RELN: variants seen among roughly 807,000 people sequenced by gnomAD.
RELN encodes reelin.
Under a neutral mutation model 427.6 loss-of-function variants are expected in RELN, and 108 were observed. The ratio of observed to expected loss-of-function variants is 0.25; its 90% CI spans 0.22 to 0.30. The LOEUF is 0.30. RELN is among the 10% of genes least tolerant of loss of function. The probability of loss-of-function intolerance (pLI) is 1.00; values close to 1 mark genes in which losing one functional copy is unlikely to be tolerated. For synonymous variants in RELN, 1,524 were observed against 1,513.4 expected (o/e 1.01, Z -0.16); for missense variants, 3,715 against 4,302.8 (o/e 0.86, Z 3.82).
At chr7:103,975,423 A>G (rs1436960702) in intron 1 of RELN, among the ~76,000 whole-genome samples, 2 of 152,238 alleles carry the variant, frequency 1.3e-5, no homozygotes, top group Admixed American at 1.3e-4. Context: ...CAAAGGGAAC[A>G]AGGTAAAACA....
chr7:103,588,997 A>G (rs1304216446), intron 28 of RELN, among the ~76,000 whole-genome samples: 3 of 152,220 alleles, frequency 2.0e-5, no homozygotes, highest in Admixed American at 1.3e-4. Flanking sequence ...TGACTCCACA[A>G]AAGTGCAATG....
intron 64 of RELN, among the ~76,000 whole-genome samples, chr7:103,473,630 C>G (rs927315292): frequency 1.3e-5 from 2 of 152,156 alleles, no homozygotes; most frequent in South Asian, 4.1e-4. Context: ...TACATACACA[C>G]ATTTATACAT....
intron 3 of RELN, among the ~76,000 whole-genome samples, chr7:103,792,993 T>C (rs1480164900): frequency 6.6e-6 from 1 of 152,168 alleles, no homozygotes; most frequent in Non-Finnish European, 1.5e-5. Context: ...TAAATTAGTA[T>C]TTTTTAAATA....
Position 103,790,209 on chromosome 7 carries a change from A to G in RELN, c.474-13582T>C, listed in dbSNP as rs919413984. On this transcript the variant is annotated intron_variant, in intron 3 of 64. Coordinates refer to ENST00000428762, the MANE Select transcript of RELN (RefSeq NM_005045.4). Reference sequence around the variant, plus strand: ...TGGGGGCGGGGACAAGGGGAGTGATAGCATTGGGAGAAATACCTAATGTAG... The same window carrying G: ...TGGGGGCGGGGACAAGGGGAGTGATGGCATTGGGAGAAATACCTAATGTAG... 2.0e-5 allele frequency among the ~76,000 whole-genome samples: 3 copies of G among 152,128 alleles called. No individual in the cohort carries two copies. The East Asian group carries it at 5.8e-4, about 29-fold the overall frequency.
chr7:103,676,213 T>C (rs557548117), intron 11 of RELN, among the ~76,000 whole-genome samples: 5 of 151,974 alleles, frequency 3.3e-5, no homozygotes, highest in Admixed American at 2.0e-4. Context: ...AAAAACCCCA[T>C]CAAAAAGTGG....
At chr7:103,849,985 CT>C (rs1042163440) in intron 2 of RELN, among the ~76,000 whole-genome samples, 11 of 152,080 alleles carry the variant, frequency 7.2e-5, no homozygotes, top group Middle Eastern at 3.2e-3. Flanking sequence ...CAACTCCTTC[CT>C]GTACCCAAGA....
Position 103,545,282 on chromosome 7 carries a change from G to C in RELN, c.6365C>G (p.Ala2122Gly), listed in dbSNP as rs774346451. ...YPAGSQPVTW[A>G]IDNVYIGPQC... ...GGGACCGATGTAGACATTATCAATGGCCCATGTCACTGGCTGAGAGCCGGC... is the reference window on the plus strand; with the variant it reads ...GGGACCGATGTAGACATTATCAATGCCCCATGTCACTGGCTGAGAGCCGGC... The change falls in exon 42 of 65, where the codon GCC (alanine) becomes GGC (glycine). Residue 2122 changes from alanine to glycine, a missense_variant. Ala to Gly is a moderately conservative substitution (Grantham distance 60, BLOSUM62 0). Transcript: ENST00000428762. The C allele has an allele frequency of 6.2e-7, 1 of 1,613,996 alleles. No homozygotes were observed. Among genetic ancestry groups the C allele is most frequent in the Admixed American group, 1.7e-5 (1 of 60,014 alleles).
In RELN at chr7:103,788,622, A is replaced by G. The variant is rs373804715; in HGVS notation, c.474-11995T>C. Among the ~76,000 whole-genome samples, 4 of 152,362 alleles carry G rather than the reference A, an allele frequency of 2.6e-5. No individual in the cohort carries two copies. The South Asian group carries it at 6.2e-4, about 24-fold the overall frequency. On this transcript the variant is annotated intron_variant, in intron 3 of 64. Transcript: ENST00000428762. Reference sequence around the variant, plus strand: ...AGAGAATAAAATACCAAGGAATACAACTTACAAGGGATGTGAAGGAACTCT... The same window carrying G: ...AGAGAATAAAATACCAAGGAATACAGCTTACAAGGGATGTGAAGGAACTCT...
intron 2 of RELN, among the ~76,000 whole-genome samples, chr7:103,905,825 G>A (rs1011131721): frequency 1.3e-5 from 2 of 152,132 alleles, no homozygotes; most frequent in Non-Finnish European, 2.9e-5. Context: ...CCGAGAAGAC[G>A]GAGAAGCACA....
At chr7:103,632,516 T>C (rs533728094) in intron 19 of RELN, among the ~76,000 whole-genome samples, 2 of 152,332 alleles carry the variant, frequency 1.3e-5, no homozygotes, top group East Asian at 1.9e-4. Flanking sequence ...AACTTAGCTC[T>C]AGAGCCTTGT....
At chr7:103,759,975 G>A (rs1032688969) in intron 4 of RELN, among the ~76,000 whole-genome samples, 1 of 138,480 alleles carries the variant, frequency 7.2e-6, no homozygotes, top group Admixed American at 7.2e-5. Context: ...TCGGTCATTG[G>A]TGCTCACAGT....
chr7:103,938,820 T>C (rs1157839672), intron 1 of RELN, among the ~76,000 whole-genome samples: 1 of 152,196 alleles, frequency 6.6e-6, no homozygotes, highest in Non-Finnish European at 1.5e-5. Flanking sequence ...CGGGAGTAGA[T>C]GATTTTTCTC....
chr7:103,697,781 G>T (rs558101206), intron 10 of RELN, 72 bp downstream of exon 10: 1 of 1,603,810 alleles, frequency 6.2e-7, no homozygotes. Flanking sequence ...TATACAATTT[G>T]GTTTATTGAG....
At chr7:103,770,654 A>AT (rs796410060) in intron 4 of RELN, among the ~76,000 whole-genome samples, 28 of 110,930 alleles carry the variant, frequency 2.5e-4, no homozygotes, top group South Asian at 1.3e-3. Context: ...TTTTTTAAAA[A>AT]TTTTTTTTTT....
intron 28 of RELN, among the ~76,000 whole-genome samples, chr7:103,584,744 A>G (rs1380390040): frequency 1.3e-5 from 2 of 152,210 alleles, no homozygotes; most frequent in Non-Finnish European, 1.5e-5. Context: ...ATTACACCCA[A>G]CAACCACAGA....
At position 103,970,146 on chromosome 7, in the gene RELN, C is replaced by CT. The variant is rs564924083; in HGVS notation, c.226+18984dup. On this transcript the variant is annotated intron_variant, in intron 1 of 64. Transcript: ENST00000428762. The stretch of plus-strand genomic sequence containing the variant: ...CCATTTTTTTTCTTTTCTTTTTTTC[C>CT]TTTTTTTTTTTTTAGAGATGGAGTC... Among the ~76,000 whole-genome samples, 1,226 of 142,610 alleles carry CT rather than the reference C, an allele frequency of 8.6e-3. 14 individuals carry two copies. Among genetic ancestry groups the CT allele is most frequent in the African/African-American group, 0.026 (1,000 of 39,162 alleles). The allele number at this position is 142,610 out of a possible 152,430, so 93.6% of individuals were successfully genotyped here. A position where few individuals can be genotyped will look rare whatever the true frequency, so the allele number is the denominator to read the frequency against.
At chr7:103,503,867 T>C (rs933515015) in intron 51 of RELN, among the ~76,000 whole-genome samples, 6 of 148,204 alleles carry the variant, frequency 4.0e-5, no homozygotes, top group African/African-American at 1.5e-4. Flanking sequence ...TAAATTTTTT[T>C]CTCCAGAAAC....
At chr7:103,659,960 T>C (rs555667442) in intron 12 of RELN, among the ~76,000 whole-genome samples, 2 of 152,230 alleles carry the variant, frequency 1.3e-5, no homozygotes, top group African/African-American at 4.8e-5. Flanking sequence ...ATGTACTTCT[T>C]TGGGCTCACT....
At chr7:103,558,684 T>C (rs181822220) in intron 36 of RELN, among the ~76,000 whole-genome samples, 3 of 152,378 alleles carry the variant, frequency 2.0e-5, no homozygotes, top group Admixed American at 6.5e-5. Flanking sequence ...AATTTAACTA[T>C]TTCTGGTTGC....
Sources: gnomAD v4.1 joint callset for allele counts (sites outside exome capture counted in the v4.1 genomes callset) on GRCh38, gnomAD v4.1.1 for gene constraint, MANE v1.5 for transcripts, NCBI Gene and HGNC (gene_info 2026-07-23, HGNC 2026-07-21) for gene names.